The following SDK1 variants were observed in gnomAD, a reference collection of about 807,000 sequenced individuals.
SDK1 encodes protein sidekick-1.
Under a neutral mutation model 245.5 loss-of-function variants are expected in SDK1, and 157 were observed. That is an observed-to-expected ratio of 0.64 (90% confidence interval 0.56 to 0.73). The LOEUF is 0.73. Ranked by LOEUF, SDK1 falls within the 30% of genes least tolerant of loss-of-function variation. SDK1 has a pLI of 0.00. For missense variants in SDK1, 3,583 were observed against 3,002.3 expected (o/e 1.19, Z -4.52); for synonymous variants, 1,647 against 1,278.5 (o/e 1.29, Z -6.15).
At chr7:3,733,512 G>A (rs1296926026) in intron 4 of SDK1, among the ~76,000 whole-genome samples, 1 of 152,136 alleles carries the variant, frequency 6.6e-6, no homozygotes, top group African/African-American at 2.4e-5. Context: ...CTGGAGGTCC[G>A]AGTGCTGAGC....
At chr7:3,672,759 T>TATATATACATACATATATA (rs1554307103) in intron 4 of SDK1, among the ~76,000 whole-genome samples, 3 of 50,744 alleles carry the variant, frequency 5.9e-5, no homozygotes, top group African/African-American at 2.6e-4. Flanking sequence ...ATATATAATT[T>TATATATACATACATATATA]TATATATATA....
chr7:3,904,884 T>C (rs1306815423), intron 5 of SDK1, among the ~76,000 whole-genome samples: 1 of 151,524 alleles, frequency 6.6e-6, no homozygotes, highest in Non-Finnish European at 1.5e-5. Flanking sequence ...TCCCAGCTAC[T>C]CGGGAGACTG....
intron 4 of SDK1, among the ~76,000 whole-genome samples, chr7:3,736,532 A>G (rs1350705643): frequency 6.6e-6 from 1 of 152,086 alleles, no homozygotes; most frequent in East Asian, 1.9e-4. Context: ...TCGGCCTCCC[A>G]AAGTGCTGGG....
At chr7:4,197,006 A>G (rs935943719) in intron 35 of SDK1, among the ~76,000 whole-genome samples, 3 of 152,230 alleles carry the variant, frequency 2.0e-5, no homozygotes, top group Non-Finnish European at 4.4e-5. Flanking sequence ...GGAGCATGCT[A>G]TTTAACTTTT....
intron 1 of SDK1, among the ~76,000 whole-genome samples, chr7:3,432,059 AACTC>A (rs910655090): frequency 6.6e-6 from 1 of 151,370 alleles, no homozygotes; most frequent in African/African-American, 2.4e-5. Flanking sequence ...TTATGACAAT[AACTC>A]AGTCAGTCTG....
chr7:4,114,308 C>T (rs1309474320), intron 25 of SDK1, 34 bp downstream of exon 25: 42 of 1,514,890 alleles, frequency 2.8e-5, no homozygotes, highest in Non-Finnish European at 3.3e-5. Context: ...CTGGAGACAC[C>T]GCATTAGAGA....
chr7:3,573,392 G>A (rs1041061200), intron 1 of SDK1, among the ~76,000 whole-genome samples: 6 of 152,086 alleles, frequency 3.9e-5, no homozygotes, highest in African/African-American at 1.2e-4. Context: ...TCTCTGCTGG[G>A]CCAGCCTTGG....
intron 1 of SDK1, among the ~76,000 whole-genome samples, chr7:3,486,722 C>T (rs1781708068): frequency 6.6e-6 from 1 of 151,936 alleles, no homozygotes; most frequent in African/African-American, 2.4e-5. Context: ...GATTTTTAGC[C>T]ACGTTTTAAT....
At chr7:3,441,153 A>T (rs181583453) in intron 1 of SDK1, among the ~76,000 whole-genome samples, 1 of 152,218 alleles carries the variant, frequency 6.6e-6, no homozygotes, top group African/African-American at 2.4e-5. Context: ...CCATGTTCAC[A>T]TAACTATTAT....
intron 5 of SDK1, among the ~76,000 whole-genome samples, chr7:3,894,513 C>T (rs1199756486): frequency 6.6e-6 from 1 of 151,038 alleles, no homozygotes; most frequent in East Asian, 1.9e-4. Flanking sequence ...AGAAGCTCAC[C>T]AGCTGGGTCC....
chr7:3,677,093 T>G (rs1783925345), intron 4 of SDK1, among the ~76,000 whole-genome samples: 1 of 152,214 alleles, frequency 6.6e-6, no homozygotes, highest in South Asian at 2.1e-4. Context: ...ATTTTGTACT[T>G]TTTTCAAATA....
At chr7:3,790,883 T>C (rs1331253454) in intron 4 of SDK1, among the ~76,000 whole-genome samples, 1 of 152,072 alleles carries the variant, frequency 6.6e-6, no homozygotes, top group African/African-American at 2.4e-5. Flanking sequence ...CAGGGGAATA[T>C]TCATTTTGGG....
chr7:3,428,013 T>G (rs1779724599), intron 1 of SDK1, among the ~76,000 whole-genome samples: 1 of 152,236 alleles, frequency 6.6e-6, no homozygotes, highest in Non-Finnish European at 1.5e-5. Context: ...TGCTGTACTT[T>G]CATCTTTGCT....
At chr7:3,947,281 T>C (rs1215053432) in intron 5 of SDK1, among the ~76,000 whole-genome samples, 2 of 152,188 alleles carry the variant, frequency 1.3e-5, no homozygotes, top group African/African-American at 4.8e-5. Flanking sequence ...TCCACCTCAC[T>C]CCGTCTTCTG....
Position 4,152,195 on chromosome 7 carries a change from G to A in SDK1, c.4625+2732G>A, listed in dbSNP as rs537261262. ...CAGCCAAGAAATAAGGCAATCGGAA[G>A]AGTCAGACTGTCCGCCAGGTTCCTG... On this transcript the variant is annotated intron_variant, in intron 30 of 44. Coordinates refer to ENST00000404826, the MANE Select transcript of SDK1 (RefSeq NM_152744.4). 4.7e-4 allele frequency among the ~76,000 whole-genome samples: 72 copies of A among 152,306 alleles called. 1 individual carries two copies. The highest frequency in any genetic ancestry group is 1.6e-3 in the African/African-American group (68 of 41,562).
rs73306130 is a variant in SDK1, at chr7:3,774,733, G to C, written c.714-46717G>C. ...TCATTTTTATAATCTGAAAAAAATA[G>C]TTGTGGAATTTGGAGGTATTTTTCT... On this transcript the variant is annotated intron_variant, in intron 4 of 44. Transcript: ENST00000404826. Among the ~76,000 whole-genome samples, 963 of 152,284 alleles carry C rather than the reference G, an allele frequency of 6.3e-3. 10 individuals carry two copies. The highest frequency in any genetic ancestry group is 0.022 in the African/African-American group (896 of 41,552).
At chr7:3,398,030 G>C (rs1392930628) in intron 1 of SDK1, among the ~76,000 whole-genome samples, 1 of 152,090 alleles carries the variant, frequency 6.6e-6, no homozygotes, top group African/African-American at 2.4e-5. Flanking sequence ...AACTGAAGTA[G>C]TAAATAGGTC....
At chr7:3,422,985 A>G (rs1312546746) in intron 1 of SDK1, among the ~76,000 whole-genome samples, 2 of 152,238 alleles carry the variant, frequency 1.3e-5, no homozygotes, top group Non-Finnish European at 2.9e-5. Flanking sequence ...TAGAATGTGT[A>G]ATGAACACTC....
At chr7:3,416,111 T>C (rs1218725255) in intron 1 of SDK1, among the ~76,000 whole-genome samples, 1 of 152,214 alleles carries the variant, frequency 6.6e-6, no homozygotes, top group Non-Finnish European at 1.5e-5. Context: ...ATGAAGTATT[T>C]TATGATTTCT....
Sources: gnomAD v4.1 joint callset for allele counts (sites outside exome capture counted in the v4.1 genomes callset) on GRCh38, gnomAD v4.1.1 for gene constraint, MANE v1.5 for transcripts, NCBI Gene and HGNC (gene_info 2026-07-23, HGNC 2026-07-21) for gene names.